The following PTPN13 variants were observed in gnomAD, a reference collection of about 807,000 sequenced individuals.
PTPN13 encodes protein tyrosine phosphatase non-receptor type 13, also known as tyrosine-protein phosphatase non-receptor type 13.
In PTPN13, 191 loss-of-function variants were observed where a neutral mutation model predicts 284.0. That is an observed-to-expected ratio of 0.67 (90% confidence interval 0.60 to 0.76). PTPN13 has a LOEUF of 0.76. Ranked by LOEUF, PTPN13 falls within the 30% of genes least tolerant of loss-of-function variation. PTPN13 has a pLI of 0.00. For missense variants in PTPN13, 2,797 were observed against 2,939.9 expected (o/e 0.95, Z 1.12); for synonymous variants, 986 against 1,022.3 (o/e 0.96, Z 0.68).
chr4:86,630,090 A>G (rs1255496118), intron 1 of PTPN13, among the ~76,000 whole-genome samples: 1 of 152,116 alleles, frequency 6.6e-6, no homozygotes, highest in East Asian at 1.9e-4. Context: ...TTTAAGGTCA[A>G]TTTAATTATT....
intron 47 of PTPN13, among the ~76,000 whole-genome samples, chr4:86,812,247 T>A (rs1192692586): frequency 4.9e-5 from 7 of 143,984 alleles, no homozygotes; most frequent in Non-Finnish European, 9.0e-5. Context: ...GAGGCGGAGC[T>A]TGCAGTGAGC....
intron 6 of PTPN13, among the ~76,000 whole-genome samples, chr4:86,699,908 ATTATC>A (rs530830248): frequency 2.5e-4 from 38 of 152,268 alleles, no homozygotes; most frequent in African/African-American, 8.2e-4. Context: ...CAGTTTTCAA[ATTATC>A]TTAGGTTAGA....
chr4:86,744,292 A>T (rs1736483579), intron 16 of PTPN13, among the ~76,000 whole-genome samples: 1 of 152,172 alleles, frequency 6.6e-6, no homozygotes, highest in African/African-American at 2.4e-5. Flanking sequence ...TAATAAAAAA[A>T]TTATTGTTAA....
chr4:86,681,926 CAAAAAAAA>C (rs1728938532), intron 3 of PTPN13, among the ~76,000 whole-genome samples: 1 of 137,266 alleles, frequency 7.3e-6, no homozygotes, highest in Non-Finnish European at 1.6e-5. Context: ...GAGTCTGTCT[CAAAAAAAA>C]GAAAAAAAAA....
At position 86,762,854 on chromosome 4, in the gene PTPN13, C is replaced by G; in HGVS notation, c.3681C>G (p.His1227Gln). 2 of 1,613,960 alleles carry G rather than the reference C, an allele frequency of 1.2e-6. No homozygotes were observed. The highest frequency in any genetic ancestry group is 1.7e-6 in the Non-Finnish European group (2 of 1,179,854). Reference sequence around the variant, plus strand: ...ACTGGTCACGTGGTACCCTGAGGCACATCTCGGAGAACTCCTTTGGGCCAT... The same window carrying G: ...ACTGGTCACGTGGTACCCTGAGGCAGATCTCGGAGAACTCCTTTGGGCCAT... ...DHHWSRGTLRHISENSFGPSG... is the reference protein window; with the variant it reads ...DHHWSRGTLRQISENSFGPSG... The change falls in exon 24 of 48, where the codon CAC becomes CAG. Residue 1227 changes from histidine (H) to glutamine (Q), a missense_variant. Transcript: ENST00000411767.
At chr4:86,800,497 C>A (rs1020238632) in intron 42 of PTPN13, among the ~76,000 whole-genome samples, 2 of 151,938 alleles carry the variant, frequency 1.3e-5, no homozygotes, top group Non-Finnish European at 2.9e-5. Context: ...TCTAAAAATA[C>A]AAAAATTAGC....
chr4:86,726,300 G>A (rs769189239), intron 10 of PTPN13, among the ~76,000 whole-genome samples: 2 of 149,364 alleles, frequency 1.3e-5, no homozygotes, highest in Admixed American at 6.7e-5. Context: ...TTGGCTATGT[G>A]GGCTCTTTTT....
At chr4:86,600,033 A>G (rs1764157900) in intron 1 of PTPN13, among the ~76,000 whole-genome samples, 2 of 152,168 alleles carry the variant, frequency 1.3e-5, no homozygotes, top group Admixed American at 6.5e-5. Context: ...TCTTTTGCAT[A>G]CAGAAATTCT....
chr4:86,727,730 G>A (rs1000720110), intron 10 of PTPN13, among the ~76,000 whole-genome samples: 3 of 149,308 alleles, frequency 2.0e-5, no homozygotes, highest in Admixed American at 6.7e-5. Context: ...CTTGCTAGCA[G>A]TACATCAATT....
intron 2 of PTPN13, among the ~76,000 whole-genome samples, chr4:86,643,654 A>G (rs1302109724): frequency 6.6e-6 from 1 of 152,174 alleles, no homozygotes; most frequent in African/African-American, 2.4e-5. Context: ...TGTATGAGAA[A>G]TACCTACATA....
At chr4:86,740,613 C>T (rs377533165) in intron 15 of PTPN13, among the ~76,000 whole-genome samples, 46 of 152,290 alleles carry the variant, frequency 3.0e-4, no homozygotes, top group Middle Eastern at 6.8e-3. Flanking sequence ...GAAACCTTTT[C>T]CCCATTGTCT....
chr4:86,698,331 C>T (rs996437521), intron 6 of PTPN13, among the ~76,000 whole-genome samples: 4 of 151,972 alleles, frequency 2.6e-5, no homozygotes, highest in African/African-American at 7.3e-5. Context: ...TCTGGATGTA[C>T]GAAGCAAAAG....
intron 1 of PTPN13, among the ~76,000 whole-genome samples, chr4:86,634,534 T>G (rs934368706): frequency 3.9e-5 from 6 of 152,166 alleles, no homozygotes. Context: ...ATTCACCTTC[T>G]GTAGAATCAT....
chr4:86,608,167 T>C (rs1764961016), intron 1 of PTPN13, among the ~76,000 whole-genome samples: 2 of 152,050 alleles, frequency 1.3e-5, no homozygotes, highest in African/African-American at 4.8e-5. Context: ...ATAAAAACTT[T>C]CATTTAAAAA....
intron 1 of PTPN13, among the ~76,000 whole-genome samples, chr4:86,610,174 A>G (rs1028180875): frequency 2.0e-5 from 3 of 152,080 alleles, no homozygotes; most frequent in African/African-American, 7.2e-5. Flanking sequence ...AGATCACACC[A>G]CTGCACTCCA....
At chr4:86,748,409 T>C (rs1737018250) in intron 17 of PTPN13, among the ~76,000 whole-genome samples, 1 of 152,186 alleles carries the variant, frequency 6.6e-6, no homozygotes, top group South Asian at 2.1e-4. Flanking sequence ...AAGAGTAGGC[T>C]ACAAATGGAT....
In PTPN13 at chr4:86,762,994, G is replaced by A. The variant is rs1738877767; in HGVS notation, c.3821G>A (p.Trp1274Ter). Residue 1274 changes from tryptophan (W) to a stop codon, truncating the protein, a stop_gained, in exon 24 of 48, where the codon TGG (tryptophan) becomes TAG (stop). Coordinates refer to ENST00000411767, the MANE Select transcript of PTPN13 (RefSeq NM_080683.3). LOFTEE classifies it high-confidence loss of function. Reference protein sequence around the residue: ...FFASHLGDQTWQESQHGSPSP... With the variant: ...FFASHLGDQT Reference sequence around the variant, plus strand: ...GCCAGCCATTTAGGTGACCAAACCTGGCAGGAATCACAGCATGGCAGCCCT... The same window carrying A: ...GCCAGCCATTTAGGTGACCAAACCTAGCAGGAATCACAGCATGGCAGCCCT... 1 of 1,613,738 alleles carries A rather than the reference G, an allele frequency of 6.2e-7. No homozygotes were observed. The highest frequency in any genetic ancestry group is 8.5e-7 in the Non-Finnish European group (1 of 1,179,820).
Position 86,807,732 on chromosome 4 carries a change from C to T in PTPN13, c.6918C>T (p.Ala2306=). 3 of 1,613,998 alleles carry T rather than the reference C, an allele frequency of 1.9e-6. No homozygotes were observed. The highest frequency in any genetic ancestry group is 2.5e-6 in the Non-Finnish European group (3 of 1,179,892). The change falls in exon 45 of 48, where the codon GCC becomes GCT. Residue 2306 remains alanine, a synonymous_variant. Transcript: ENST00000411767. ...GGGAGCAAAAATCCACAGTGATAGC[C>T]ATGATGACTCAAGAAGTAGAAGGAG... ...MIWEQKSTVI[A]MMTQEVEGEK...
Position 86,686,729 on chromosome 4 carries a change from G to C in PTPN13, c.314G>C (p.Gly105Ala). 1 of 1,575,312 alleles carries C rather than the reference G, an allele frequency of 6.3e-7. No individual in the cohort carries two copies. The highest frequency in any genetic ancestry group is 8.6e-7 in the Non-Finnish European group (1 of 1,159,360). The change falls in exon 4 of 48, where the codon GGA (glycine) becomes GCA (alanine). Residue 105 changes from glycine to alanine, a missense_variant. Physicochemically the swap from Gly to Ala is moderately conservative, Grantham distance 60 (BLOSUM62 0). Transcript: ENST00000411767. ...DVEKIHIYSL[G>A]MTLYWGADYE... ...TCCTAGATCCACATTTATTCTCTTG[G>C]AATGACACTGTATTGGGGGGCTGAT... is the stretch of plus-strand genomic sequence containing the variant.
Sources: allele counts gnomAD v4.1 joint callset (sites outside exome capture counted in the v4.1 genomes callset), GRCh38; gene constraint gnomAD v4.1.1; transcripts MANE v1.5; gene names NCBI Gene and HGNC (gene_info 2026-07-23, HGNC 2026-07-21).